The following EIF4G3 variants were observed in gnomAD, a reference collection of about 807,000 sequenced individuals.
EIF4G3 encodes the protein eIF-4-gamma 3.
EIF4G3 carries 34 observed loss-of-function variants against 186.4 expected under a neutral mutation model. The ratio of observed to expected loss-of-function variants is 0.18; its 90% confidence interval spans 0.14 to 0.24. The LOEUF is 0.24. EIF4G3 is among the 10% of genes least tolerant of loss of function. EIF4G3 has a pLI of 1.00. For synonymous variants in EIF4G3, 673 were observed against 679.5 expected, an observed-to-expected ratio of 0.99 and a Z score of 0.15; for missense variants, 1,536 against 1,948.5, an observed-to-expected ratio of 0.79 and a Z score of 3.99.
intron 6 of EIF4G3, among the ~76,000 whole-genome samples, chr1:21,000,714 G>A (rs2083318740): frequency 6.6e-6 from 1 of 152,156 alleles, no homozygotes; most frequent in Non-Finnish European, 1.5e-5. Flanking sequence ...TTTAGGGTAT[G>A]TAATGGAATG....
intron 14 of EIF4G3, among the ~76,000 whole-genome samples, chr1:20,933,524 G>A (rs2095410547): frequency 6.6e-6 from 1 of 151,968 alleles, no homozygotes; most frequent in Non-Finnish European, 1.5e-5. Context: ...GCGTGGTGGT[G>A]CGCACCTGTA....
At chr1:20,942,480 G>T in intron 13 of EIF4G3, 150 bp from the exon 14 acceptor site, 6 of 678,500 alleles carry the variant, frequency 8.8e-6, no homozygotes, top group East Asian at 3.0e-5. Context: ...CAAAAACATT[G>T]TCTCTTTTCT....
chr1:20,951,946 G>C (rs2096241170), intron 12 of EIF4G3, among the ~76,000 whole-genome samples: 1 of 152,074 alleles, frequency 6.6e-6, no homozygotes, highest in Non-Finnish European at 1.5e-5. Context: ...CGTAAGAAAG[G>C]AGTGAGATAA....
At chr1:21,165,574 TCA>T (rs1232060490) in intron 2 of EIF4G3, among the ~76,000 whole-genome samples, 1 of 151,960 alleles carries the variant, frequency 6.6e-6, no homozygotes, top group Non-Finnish European at 1.5e-5. Flanking sequence ...CTGAAACAAA[TCA>T]CACACAAAAA....
chr1:21,043,717 C>T (rs2154575530), intron 4 of EIF4G3, among the ~76,000 whole-genome samples: 1 of 152,014 alleles, frequency 6.6e-6, no homozygotes, highest in South Asian at 2.1e-4. Flanking sequence ...CATGAGGAAA[C>T]CCAGTTTCTA....
At position 20,998,212 on chromosome 1, in the gene EIF4G3, TACACACACACACACACAC is replaced by T. The variant is rs5772928; in HGVS notation, c.145-597_145-580del. On this transcript the variant is annotated intron_variant, in intron 6 of 36. Transcript: ENST00000602326. ...GTTAAAGAAAAATCTTTTATGACTT[TACACACACACACACACAC>T]ACACACACACACACACACAAGTTTA... is the stretch of plus-strand genomic sequence containing the variant. 8.1e-5 allele frequency among the ~76,000 whole-genome samples: 12 copies of T among 148,578 alleles called. No individual in the cohort carries two copies. The South Asian group carries it at 1.1e-3, about 13-fold the overall frequency.
chr1:20,963,228 A>G (rs1344694060), intron 12 of EIF4G3, among the ~76,000 whole-genome samples: 1 of 152,142 alleles, frequency 6.6e-6, no homozygotes, highest in African/African-American at 2.4e-5. Flanking sequence ...TGTATTCATG[A>G]CATACCTAAA....
At chr1:21,142,210 T>A (rs2102672805) in intron 2 of EIF4G3, among the ~76,000 whole-genome samples, 1 of 151,746 alleles carries the variant, frequency 6.6e-6, no homozygotes, top group East Asian at 1.9e-4. Flanking sequence ...AATCTAAAAG[T>A]GGCTAATGGT....
intron 18 of EIF4G3, among the ~76,000 whole-genome samples, chr1:20,891,712 A>G (rs2154555598): frequency 6.6e-6 from 1 of 150,774 alleles, no homozygotes; most frequent in East Asian, 2.0e-4. Context: ...GCGTGAACCT[A>G]GGAGGTGGCA....
At chr1:20,850,639 A>G (rs536511912) in intron 28 of EIF4G3, among the ~76,000 whole-genome samples, 14 of 152,312 alleles carry the variant, frequency 9.2e-5, no homozygotes, top group African/African-American at 3.4e-4. Context: ...TTTATCACGT[A>G]ATGTTCTAAG....
intron 34 of EIF4G3, among the ~76,000 whole-genome samples, chr1:20,816,482 G>A (rs1338334728): frequency 1.9e-5 from 2 of 103,576 alleles, no homozygotes; most frequent in East Asian, 3.3e-4. Context: ...CGCCCCGTCC[G>A]GGAGGGAGGT....
intron 6 of EIF4G3, among the ~76,000 whole-genome samples, chr1:20,999,052 A>T (rs1302656611): frequency 6.6e-6 from 1 of 152,186 alleles, no homozygotes; most frequent in African/African-American, 2.4e-5. Context: ...TTCACATTTT[A>T]AAATTTCAAC....
chr1:21,005,204 A>C (rs1240314887), intron 4 of EIF4G3, among the ~76,000 whole-genome samples: 1 of 152,164 alleles, frequency 6.6e-6, no homozygotes, highest in Non-Finnish European at 1.5e-5. Flanking sequence ...GAGATAGGGA[A>C]AGTATTTCTT....
intron 2 of EIF4G3, among the ~76,000 whole-genome samples, chr1:21,118,379 T>C (rs2096865422): frequency 6.6e-6 from 1 of 152,216 alleles, no homozygotes; most frequent in Non-Finnish European, 1.5e-5. Context: ...TTTAATTAGC[T>C]TTGGTTGATA....
intron 2 of EIF4G3, among the ~76,000 whole-genome samples, chr1:21,104,767 T>C (rs1271948374): frequency 6.6e-6 from 1 of 152,208 alleles, no homozygotes; most frequent in Non-Finnish European, 1.5e-5. Context: ...TGCACAGGTA[T>C]GTTTGTCATA....
chr1:20,855,078 C>T lies in EIF4G3; in HGVS notation c.3340-7G>A, dbSNP rs752484800. The T allele has an allele frequency of 2.5e-6, 4 of 1,583,770 alleles. No homozygotes were observed. In the East Asian group the frequency reaches 6.8e-5, roughly 27 times the overall value. The stretch of plus-strand genomic sequence containing the variant: ...TTTTTTCATCAATTGTAGGCTGTAA[C>T]ATAAGGGACCACAAGTCAATTATAG... On this transcript the variant is annotated splice_region_variant and splice_polypyrimidine_tract_variant and intron_variant, in intron 25 of 36. Coordinates refer to ENST00000602326, the MANE Select transcript of EIF4G3 (RefSeq NM_001391906.1).
intron 7 of EIF4G3, among the ~76,000 whole-genome samples, chr1:20,984,298 T>A (rs552790464): frequency 6.6e-6 from 1 of 151,764 alleles, no homozygotes; most frequent in African/African-American, 2.4e-5. Flanking sequence ...CCTGACTAGC[T>A]GGGACTATGG....
intron 2 of EIF4G3, among the ~76,000 whole-genome samples, chr1:21,148,527 C>G (rs558888773): frequency 1.8e-4 from 28 of 151,858 alleles, no homozygotes; most frequent in African/African-American, 6.8e-4. Flanking sequence ...ACGGTGAAAC[C>G]CCATCTCTAC....
At chr1:21,143,452 A>G (rs1168506585) in intron 2 of EIF4G3, among the ~76,000 whole-genome samples, 1 of 152,214 alleles carries the variant, frequency 6.6e-6, no homozygotes, top group African/African-American at 2.4e-5. Context: ...ACAACATTTT[A>G]GTTAAAATTT....
Sources: allele counts gnomAD v4.1 joint callset (sites outside exome capture counted in the v4.1 genomes callset), GRCh38; gene constraint gnomAD v4.1.1; transcripts MANE v1.5; gene names NCBI Gene and HGNC (gene_info 2026-07-23, HGNC 2026-07-21).